The following LIAT1 variants were observed in gnomAD, a reference collection of about 807,000 sequenced individuals.
The protein encoded by LIAT1 is ligand of ATE1, also known as protein LIAT1.
the LIAT1 span, chr17:413,641 C>T: frequency 3.2e-6 from 5 of 1,564,366 alleles, 1 homozygote; most frequent in Non-Finnish European, 2.6e-6. Context: ...AGGGCTTCCA[C>T]CCCGACCCTG....
At chr17:410,782 A>G in the LIAT1 span, 8 of 752,192 alleles carry the variant, frequency 1.1e-5, no homozygotes, top group Admixed American at 8.2e-5. Context: ...CTCCCCACAC[A>G]TGCCCGTCAG....
the LIAT1 span, chr17:413,501 G>T: frequency 1.4e-5 from 18 of 1,247,156 alleles, no homozygotes; most frequent in South Asian, 6.6e-5. Context: ...CCCCGACCCC[G>T]ACGCCCTCAA....
the LIAT1 span, chr17:414,006 C>A: frequency 6.2e-7 from 1 of 1,614,228 alleles, no homozygotes; most frequent in Admixed American, 1.7e-5. This position sits in a 1 kb window ranked among gnomAD's most constrained non-coding sequence, Gnocchi z 4.1. Context: ...GATGGCAGCT[C>A]CAGCCACAGG....
chr17:410,507 G>A, the LIAT1 span: 25 of 1,545,164 alleles, frequency 1.6e-5, no homozygotes, highest in Admixed American at 4.5e-4. Context: ...ACGGCGAGGA[G>A]GAGGAGCGGG....
the LIAT1 span, chr17:413,420 C>A: frequency 6.2e-7 from 1 of 1,614,152 alleles, no homozygotes; most frequent in South Asian, 1.1e-5. Context: ...TAAACTGAAT[C>A]GGAGAAAACG....
At chr17:410,626 A>AG in the LIAT1 span, 1 of 1,542,138 alleles carries the variant, frequency 6.5e-7, no homozygotes, top group East Asian at 2.4e-5. Flanking sequence ...AAGAAGACCA[A>AG]GGGGTCTGGC....
At chr17:412,077 C>T in the LIAT1 span, among the ~76,000 whole-genome samples, 1 of 152,234 alleles carries the variant, frequency 6.6e-6, no homozygotes. Context: ...GGTCAAGAAG[C>T]CCTGTGTGGC....
At chr17:412,289 G>A in the LIAT1 span, among the ~76,000 whole-genome samples, 1 of 151,078 alleles carries the variant, frequency 6.6e-6, no homozygotes, top group Non-Finnish European at 1.5e-5. Flanking sequence ...GTGGCAGAGT[G>A]AGACTCAGTC....
the LIAT1 span, chr17:414,180 C>T: frequency 6.5e-7 from 1 of 1,535,676 alleles, no homozygotes; most frequent in Non-Finnish European, 8.8e-7. The surrounding 1 kb of genome is among the most constrained non-coding windows in gnomAD (Gnocchi z 4.1). Context: ...TGTTAAAAAC[C>T]ATCATCATAA....
the LIAT1 span, chr17:410,654 G>A: frequency 6.5e-7 from 1 of 1,538,200 alleles, no homozygotes; most frequent in Non-Finnish European, 8.7e-7. Flanking sequence ...ACGGTAAGAG[G>A]AGCAGCTAGC....
chr17:410,407 C>A, the LIAT1 span: 1 of 1,532,424 alleles, frequency 6.5e-7, no homozygotes, highest in Non-Finnish European at 8.7e-7. Context: ...GGCATCGGGC[C>A]TCGGGCGCCC....
the LIAT1 span, chr17:410,586 A>C: frequency 6.5e-7 from 1 of 1,546,296 alleles, no homozygotes; most frequent in East Asian, 2.4e-5. Context: ...CGAGCTGGCC[A>C]AACGGAAGGT....
chr17:413,552 C>T, the LIAT1 span: 2 of 1,492,624 alleles, frequency 1.3e-6, no homozygotes, highest in Admixed American at 1.8e-5. Context: ...GGGCTTCCAC[C>T]CCGACCCCGA....
chr17:412,166 T>A, the LIAT1 span, among the ~76,000 whole-genome samples: 3 of 152,192 alleles, frequency 2.0e-5, no homozygotes, highest in African/African-American at 7.2e-5. Flanking sequence ...AAACCCCGTC[T>A]CTACTGAAAA....
the LIAT1 span, chr17:414,355 T>C: frequency 3.8e-6 from 2 of 520,554 alleles, no homozygotes; most frequent in Non-Finnish European, 6.8e-6. The surrounding 1 kb of genome is among the most constrained non-coding windows in gnomAD (Gnocchi z 4.1). Context: ...TTTTCTTAAG[T>C]AAGCATCTCT....
the LIAT1 span, among the ~76,000 whole-genome samples, chr17:410,822 G>A: frequency 6.6e-6 from 1 of 152,084 alleles, no homozygotes; most frequent in Non-Finnish European, 1.5e-5. Flanking sequence ...CCCCACCCGT[G>A]GAGACCATCC....
the LIAT1 span, chr17:410,510 G>A: frequency 1.3e-6 from 2 of 1,545,420 alleles, no homozygotes; most frequent in South Asian, 1.2e-5. Flanking sequence ...GCGAGGAGGA[G>A]GAGCGGGAGG....
the LIAT1 span, among the ~76,000 whole-genome samples, chr17:411,322 G>T: frequency 6.6e-6 from 1 of 152,120 alleles, no homozygotes; most frequent in Non-Finnish European, 1.5e-5. Context: ...AAACTAAAGG[G>T]CGGGGGACAC....
chr17:411,010 C>T, the LIAT1 span, among the ~76,000 whole-genome samples: 1 of 152,206 alleles, frequency 6.6e-6, no homozygotes, highest in Non-Finnish European at 1.5e-5. Context: ...ACACTTTCCC[C>T]ACCCCAAACA....
Sources: allele counts gnomAD v4.1 joint callset (sites outside exome capture counted in the v4.1 genomes callset), GRCh38; gene constraint gnomAD v4.1.1; non-coding constraint Gnocchi (gnomAD v3.1); transcripts MANE v1.5; gene names NCBI Gene and HGNC (gene_info 2026-07-23, HGNC 2026-07-21).